Variants in CNTN4 observed in about 807,000 individuals in gnomAD.
The protein encoded by CNTN4 is contactin-4.
In CNTN4, 77 loss-of-function variants were observed where a neutral mutation model predicts 122.5. The ratio of observed to expected loss-of-function variants is 0.63; its 90% CI spans 0.52 to 0.76. The LOEUF (loss-of-function observed/expected upper bound fraction) is 0.76. CNTN4 is among the 30% of genes least tolerant of loss of function. The pLI, the probability that CNTN4 is intolerant of heterozygous loss-of-function variation, is 0.00. For missense variants in CNTN4, 1,256 were observed against 1,259.1 expected (o/e 1.00, Z 0.04); for synonymous variants, 512 against 447.0 (o/e 1.15, Z -1.83).
rs544072654 is a variant in CNTN4, at chr3:2,590,413, C to T, written c.55+18855C>T. Among the ~76,000 whole-genome samples the T allele has an allele frequency of 9.2e-5, 14 of 152,080 alleles. 3 individuals are homozygous for T. The highest frequency in any genetic ancestry group is 2.4e-4 in the African/African-American group (10 of 41,498). ...CTGGGATTACAGACACATGCCATCACGTCCAGCTAATTTTTGTATTTTGTG... is the reference window on the plus strand; with the variant it reads ...CTGGGATTACAGACACATGCCATCATGTCCAGCTAATTTTTGTATTTTGTG... On this transcript the variant is annotated intron_variant, in intron 4 of 24. Transcript: ENST00000418658.
intron 2 of CNTN4, among the ~76,000 whole-genome samples, chr3:2,152,046 A>G (rs2035515285): frequency 6.6e-6 from 1 of 152,210 alleles, no homozygotes; most frequent in African/African-American, 2.4e-5. Context: ...GCAGGGAGGT[A>G]AGAGTGCAGG....
At chr3:2,600,798 C>A (rs1295887009) in intron 4 of CNTN4, among the ~76,000 whole-genome samples, 3 of 152,166 alleles carry the variant, frequency 2.0e-5, no homozygotes, top group African/African-American at 4.8e-5. Context: ...AATGGTTGAA[C>A]TAGTTTACAG....
At chr3:2,406,240 A>G (rs1328178580) in intron 3 of CNTN4, among the ~76,000 whole-genome samples, 1 of 152,192 alleles carries the variant, frequency 6.6e-6, no homozygotes. Flanking sequence ...TAATCAAGTG[A>G]TCATGTTTAA....
At chr3:2,866,584 G>A (rs1464884169) in intron 7 of CNTN4, 168 bp from the exon 8 acceptor site, 8 of 1,170,986 alleles carry the variant, frequency 6.8e-6, no homozygotes, top group Admixed American at 4.8e-5. Context: ...AGAAAGGCTG[G>A]TAAAATGCCA....
intron 6 of CNTN4, among the ~76,000 whole-genome samples, chr3:2,775,604 A>G (rs2149803052): frequency 6.6e-6 from 1 of 152,224 alleles, no homozygotes; most frequent in African/African-American, 2.4e-5. Flanking sequence ...TGTTTTTAAT[A>G]GAGATGGGAT....
chr3:3,022,485 C>A (rs1473190981), intron 14 of CNTN4, among the ~76,000 whole-genome samples: 3 of 152,030 alleles, frequency 2.0e-5, no homozygotes, highest in Non-Finnish European at 4.4e-5. Context: ...ATTTTAGAGA[C>A]AATAAAAGCT....
chr3:2,807,827 G>A (rs1311178291), intron 6 of CNTN4, among the ~76,000 whole-genome samples: 1 of 152,140 alleles, frequency 6.6e-6, no homozygotes, highest in Non-Finnish European at 1.5e-5. Context: ...TGGATGCCAG[G>A]AAGTACTGAT....
At chr3:2,176,031 A>T (rs778362597) in intron 2 of CNTN4, among the ~76,000 whole-genome samples, 1 of 152,220 alleles carries the variant, frequency 6.6e-6, no homozygotes, top group Non-Finnish European at 1.5e-5. Context: ...CTAGTACAGC[A>T]TCATTTTGTA....
At chr3:2,410,750 T>G (rs1471022221) in intron 3 of CNTN4, among the ~76,000 whole-genome samples, 2 of 152,182 alleles carry the variant, frequency 1.3e-5, no homozygotes, top group Admixed American at 6.5e-5. Flanking sequence ...ACATCAAAAA[T>G]CAAAGACTAG....
intron 4 of CNTN4, among the ~76,000 whole-genome samples, chr3:2,681,128 G>A (rs188405938): frequency 1.3e-5 from 2 of 152,232 alleles, no homozygotes; most frequent in African/African-American, 4.8e-5. Context: ...GAAAACCTGC[G>A]AGATACGGCC....
intron 2 of CNTN4, among the ~76,000 whole-genome samples, chr3:2,317,502 T>C (rs1455000443): frequency 6.6e-6 from 1 of 152,168 alleles, no homozygotes; most frequent in African/African-American, 2.4e-5. Context: ...GATTTCGCGC[T>C]CCCTCTCACA....
chr3:2,611,064 A>T (rs1252119422), intron 4 of CNTN4, among the ~76,000 whole-genome samples: 4 of 152,066 alleles, frequency 2.6e-5, no homozygotes, highest in Non-Finnish European at 5.9e-5. Context: ...CATTTGATTC[A>T]GGTGATGACT....
At chr3:2,791,367 A>G (rs112037202) in intron 6 of CNTN4, among the ~76,000 whole-genome samples, 46,077 of 151,794 alleles carry the variant, frequency 0.3, 7,082 homozygotes, top group Middle Eastern at 0.33. Context: ...CCCTGTCTCT[A>G]CAAAAAATAC....
At chr3:2,729,375 T>G (rs9849495) in intron 4 of CNTN4, among the ~76,000 whole-genome samples, 5 of 147,496 alleles carry the variant, frequency 3.4e-5, no homozygotes, top group African/African-American at 1.0e-4. Flanking sequence ...CCATCCCGGC[T>G]AACACAAAAT....
chr3:2,815,942 G>T (rs1295452696), intron 6 of CNTN4, among the ~76,000 whole-genome samples: 8 of 150,898 alleles, frequency 5.3e-5, no homozygotes, highest in African/African-American at 1.7e-4. Context: ...CATTTGCAGT[G>T]ACGTGGATGA....
intron 2 of CNTN4, among the ~76,000 whole-genome samples, chr3:2,129,866 G>T (rs1297539612): frequency 1.3e-5 from 2 of 151,626 alleles, no homozygotes; most frequent in African/African-American, 4.8e-5. Context: ...CACTTATATT[G>T]GTGGCTTTGT....
At chr3:2,387,834 T>C (rs13090158) in intron 3 of CNTN4, among the ~76,000 whole-genome samples, 25,082 of 152,202 alleles carry the variant, frequency 0.16, 2,545 homozygotes, top group Middle Eastern at 0.26. Flanking sequence ...TGTGTATCAT[T>C]AGAAGACAGA....
intron 8 of CNTN4, among the ~76,000 whole-genome samples, chr3:2,869,881 G>C (rs1345272681): frequency 6.6e-6 from 1 of 152,226 alleles, no homozygotes; most frequent in Non-Finnish European, 1.5e-5. Flanking sequence ...AGCTATCAGT[G>C]CTATCTCTCC....
intron 13 of CNTN4, among the ~76,000 whole-genome samples, chr3:2,971,362 ATCTATC>A (rs966819610): frequency 1.3e-4 from 20 of 151,222 alleles, no homozygotes; most frequent in African/African-American, 2.2e-4. Flanking sequence ...CTATCTATCT[ATCTATC>A]TATATATATA....
Sources: gnomAD v4.1 joint callset for allele counts (sites outside exome capture counted in the v4.1 genomes callset) on GRCh38, gnomAD v4.1.1 for gene constraint, MANE v1.5 for transcripts, NCBI Gene and HGNC (gene_info 2026-07-23, HGNC 2026-07-21) for gene names.